MGAT4C: variants seen among roughly 807,000 people sequenced by gnomAD.
The protein encoded by MGAT4C is alpha-1,3-mannosyl-glycoprotein 4-beta-N-acetylglucosaminyltransferase C.
In MGAT4C, 19 loss-of-function variants were observed where a neutral mutation model predicts 40.1. That is an observed-to-expected ratio of 0.47 (90% CI 0.33 to 0.70). MGAT4C has a LOEUF of 0.70. MGAT4C is among the 30% of genes least tolerant of loss of function. The probability of loss-of-function intolerance (pLI) is 0.02; values close to 1 mark genes in which losing one functional copy is unlikely to be tolerated. For missense variants in MGAT4C, 491 were observed against 563.2 expected (o/e 0.87, Z 1.30); for synonymous variants, 181 against 187.1 (o/e 0.97, Z 0.27).
In MGAT4C at chr12:86,039,011, A is replaced by G. The variant is rs189926953; in HGVS notation, c.-7+10663T>C. On this transcript the variant is annotated intron_variant, in intron 2 of 4. Coordinates refer to ENST00000611864, the MANE Select transcript of MGAT4C (RefSeq NM_001351288.2). ...TATGAAGCTTAGTTTGGGAGGATAT[A>G]AAATTCTGTGTTGAACATTCTTTTC... 7.3e-5 allele frequency among the ~76,000 whole-genome samples: 11 copies of G among 149,954 alleles called. 2 individuals carry two copies. The Admixed American group carries it at 7.3e-4, about 10-fold the overall frequency.
intron 1 of MGAT4C, among the ~76,000 whole-genome samples, chr12:86,746,302 C>T (rs1161741375): frequency 1.3e-5 from 2 of 151,606 alleles, no homozygotes; most frequent in Non-Finnish European, 3.0e-5. Flanking sequence ...GGCCCAGGGG[C>T]CTTAAAACCC....
chr12:86,452,232 G>A (rs1339532163), intron 2 of MGAT4C, among the ~76,000 whole-genome samples: 2 of 148,536 alleles, frequency 1.3e-5, no homozygotes, highest in Admixed American at 1.4e-4. Context: ...TATACTTTGA[G>A]TTCTAGGGTA....
chr12:86,692,410 G>A (rs1403861904), intron 2 of MGAT4C, among the ~76,000 whole-genome samples: 1 of 152,004 alleles, frequency 6.6e-6, no homozygotes, highest in Admixed American at 6.6e-5. Flanking sequence ...AATGTGTAAG[G>A]TGTCTACTCA....
intron 1 of MGAT4C, among the ~76,000 whole-genome samples, chr12:86,240,445 G>A (rs1361074624): frequency 6.6e-6 from 1 of 151,358 alleles, no homozygotes; most frequent in African/African-American, 2.4e-5. Flanking sequence ...CTACATTTGT[G>A]GGTTTTTAAC....
intron 2 of MGAT4C, among the ~76,000 whole-genome samples, chr12:86,589,320 C>T (rs976137549): frequency 1.2e-4 from 18 of 151,928 alleles, no homozygotes; most frequent in African/African-American, 4.4e-4. Flanking sequence ...GGATAAATTC[C>T]TTGACACATA....
intron 2 of MGAT4C, among the ~76,000 whole-genome samples, chr12:86,554,133 TACAC>T (rs5799783): frequency 0.79 from 118,381 of 149,870 alleles, 47,889 homozygotes; most frequent in South Asian, 0.91. Context: ...TACACATACA[TACAC>T]ACACACACAC....
intron 1 of MGAT4C, among the ~76,000 whole-genome samples, chr12:86,769,099 A>G (rs1461848994): frequency 6.6e-6 from 1 of 152,192 alleles, no homozygotes; most frequent in Non-Finnish European, 1.5e-5. Flanking sequence ...AAATGGGAGA[A>G]CATTTCTGCA....
At chr12:86,647,724 G>A (rs1963581570) in intron 2 of MGAT4C, among the ~76,000 whole-genome samples, 2 of 151,808 alleles carry the variant, frequency 1.3e-5, no homozygotes, top group South Asian at 2.1e-4. Context: ...AATGAAGGGC[G>A]ACTAAATTCT....
At chr12:86,698,358 T>C (rs1183028477) in intron 2 of MGAT4C, among the ~76,000 whole-genome samples, 1 of 152,020 alleles carries the variant, frequency 6.6e-6, no homozygotes, top group Non-Finnish European at 1.5e-5. Flanking sequence ...TGTGTATGTG[T>C]GTTTGTGTGT....
At chr12:86,457,659 A>AT (rs1957531232) in intron 2 of MGAT4C, among the ~76,000 whole-genome samples, 1 of 152,098 alleles carries the variant, frequency 6.6e-6, no homozygotes, top group African/African-American at 2.4e-5. Flanking sequence ...ATAGCATGTT[A>AT]ATTTATTGAG....
intron 1 of MGAT4C, among the ~76,000 whole-genome samples, chr12:86,818,968 G>T (rs905887288): frequency 6.6e-6 from 1 of 150,844 alleles, no homozygotes; most frequent in Non-Finnish European, 1.5e-5. Context: ...CCACTAGAAG[G>T]GTGACAACTT....
At chr12:86,507,198 GT>G (rs1237599575) in intron 2 of MGAT4C, among the ~76,000 whole-genome samples, 1 of 152,150 alleles carries the variant, frequency 6.6e-6, no homozygotes, top group African/African-American at 2.4e-5. Flanking sequence ...ATCTGACCCA[GT>G]GAACCTCATC....
chr12:86,432,148 G>A (rs750829533), intron 3 of MGAT4C, among the ~76,000 whole-genome samples: 39 of 152,068 alleles, frequency 2.6e-4, no homozygotes, highest in Admixed American at 9.2e-4. Flanking sequence ...TTAAATACTG[G>A]TGGGAAACCA....
chr12:86,384,032 G>A (rs1057216816), intron 3 of MGAT4C, among the ~76,000 whole-genome samples: 2 of 152,114 alleles, frequency 1.3e-5, no homozygotes, highest in Non-Finnish European at 2.9e-5. Context: ...AGTCTCATGA[G>A]ATCTGATGGT....
chr12:86,266,705 G>T (rs1952796143), intron 4 of MGAT4C, among the ~76,000 whole-genome samples: 1 of 152,038 alleles, frequency 6.6e-6, no homozygotes, highest in South Asian at 2.1e-4. Flanking sequence ...AGTTTCAGAA[G>T]GATTGCTATT....
At chr12:86,793,226 C>T (rs948077500) in intron 1 of MGAT4C, among the ~76,000 whole-genome samples, 7 of 151,936 alleles carry the variant, frequency 4.6e-5, no homozygotes, top group African/African-American at 1.4e-4. Context: ...ATTCTTGCTT[C>T]GTGCTATTAA....
intron 1 of MGAT4C, among the ~76,000 whole-genome samples, chr12:86,774,505 T>G (rs1459418941): frequency 6.6e-6 from 1 of 151,692 alleles, no homozygotes; most frequent in East Asian, 1.9e-4. Flanking sequence ...GATATATTTC[T>G]TTGAAAAGTT....
At chr12:86,127,609 GA>G (rs541290051) in intron 1 of MGAT4C, among the ~76,000 whole-genome samples, 8 of 151,984 alleles carry the variant, frequency 5.3e-5, no homozygotes, top group Non-Finnish European at 1.0e-4. Flanking sequence ...ACACTTAGCT[GA>G]AAACACAACC....
At chr12:86,708,385 C>T (rs192121629) in intron 2 of MGAT4C, among the ~76,000 whole-genome samples, 29 of 152,340 alleles carry the variant, frequency 1.9e-4, no homozygotes, top group African/African-American at 4.6e-4. Context: ...GGGGTCCAGA[C>T]AGAAGTTTGC....
Sources: gnomAD v4.1 joint callset for allele counts (sites outside exome capture counted in the v4.1 genomes callset) on GRCh38, gnomAD v4.1.1 for gene constraint, MANE v1.5 for transcripts, NCBI Gene and HGNC (gene_info 2026-07-23, HGNC 2026-07-21) for gene names.